The following VAV3 variants were observed in gnomAD, a reference collection of about 807,000 sequenced individuals.
The protein encoded by VAV3 is guanine nucleotide exchange factor VAV3.
In VAV3, 94 loss-of-function variants were observed where a neutral mutation model predicts 131.2. The observed-to-expected ratio is 0.72, with a 90% confidence interval of 0.61 to 0.85. The LOEUF is 0.85. VAV3 is among the 40% of genes least tolerant of loss of function. VAV3 has a pLI of 0.00. For missense variants in VAV3, 939 were observed against 1,002.7 expected (o/e 0.94, Z 0.86); for synonymous variants, 349 against 342.0 (o/e 1.02, Z -0.22).
intron 12 of VAV3, among the ~76,000 whole-genome samples, chr1:107,753,549 T>TATATGTATATATATACACAC (rs771773884): frequency 2.4e-5 from 2 of 82,052 alleles, no homozygotes; most frequent in Non-Finnish European, 5.1e-5. Flanking sequence ...TATATATATA[T>TATATGTATATATATACACAC]ACACACACAC....
chr1:107,712,384 T>C (rs1029862969), intron 15 of VAV3, among the ~76,000 whole-genome samples: 64 of 152,220 alleles, frequency 4.2e-4, no homozygotes, highest in African/African-American at 1.5e-3. Context: ...ATCGTTATTG[T>C]TAGTGTATTT....
Position 107,607,396 on chromosome 1 carries a change from T to C in VAV3, c.2015+2535A>G, listed in dbSNP as rs1246023468. Among the ~76,000 whole-genome samples the C allele has an allele frequency of 2.6e-5, 4 of 152,152 alleles. No homozygotes were observed. In the East Asian group the frequency reaches 5.8e-4, roughly 22 times the overall value. On this transcript the variant is annotated intron_variant, in intron 22 of 26. Transcript: ENST00000370056. ...ATACCAAGACAGGGTAGTATGTGTA[T>C]ATGGGACCCAGCTGTCACAGTGCTG...
intron 15 of VAV3, among the ~76,000 whole-genome samples, chr1:107,723,130 T>C (rs552109375): frequency 6.6e-6 from 1 of 152,318 alleles, no homozygotes; most frequent in East Asian, 1.9e-4. Context: ...TTGTATTTTG[T>C]ATCCTCATAA....
intron 15 of VAV3, among the ~76,000 whole-genome samples, chr1:107,745,048 C>T (rs1324055798): frequency 2.0e-5 from 3 of 152,132 alleles, no homozygotes; most frequent in Non-Finnish European, 4.4e-5. Context: ...ATATCCATAG[C>T]TTCTTAACAA....
Position 107,652,607 on chromosome 1 carries a change from C to T in VAV3, c.1778-9852G>A, listed in dbSNP as rs116153685. 3.7e-3 allele frequency among the ~76,000 whole-genome samples: 561 copies of T among 152,112 alleles called. 1 individual carries two copies. The highest frequency in any genetic ancestry group is 4.7e-3 in the Non-Finnish European group (323 of 68,006). On this transcript the variant is annotated intron_variant, in intron 19 of 26. Coordinates refer to ENST00000370056, the MANE Select transcript of VAV3 (RefSeq NM_006113.5). ...TAGTTATCTGTTTACTTGTTAGTAT[C>T]TATCTCCTCTTGTTTTCATATATAT...
intron 1 of VAV3, among the ~76,000 whole-genome samples, chr1:107,930,753 C>T (rs939648605): frequency 5.3e-5 from 8 of 152,092 alleles, no homozygotes; most frequent in African/African-American, 1.7e-4. Context: ...CTGTCACCAC[C>T]TAAACCCACC....
At chr1:107,715,643 T>G (rs10494073) in intron 15 of VAV3, among the ~76,000 whole-genome samples, 12,913 of 152,262 alleles carry the variant, frequency 0.085, 705 homozygotes, top group Admixed American at 0.17. Flanking sequence ...ACTATCTTGC[T>G]TTACTTCAAT....
At chr1:107,742,018 A>G (rs778128640) in intron 15 of VAV3, among the ~76,000 whole-genome samples, 1 of 152,226 alleles carries the variant, frequency 6.6e-6, no homozygotes, top group Non-Finnish European at 1.5e-5. Context: ...CTGCAATTAC[A>G]TAGTTGAAGG....
rs554408564 is a variant in VAV3 at position 107,818,573 on chromosome 1, G to A, written c.322-39081C>T. Among the ~76,000 whole-genome samples, 8 of 152,052 alleles carry A rather than the reference G, an allele frequency of 5.3e-5. No homozygotes were observed. The East Asian group carries it at 1.5e-3, about 29-fold the overall frequency. On this transcript the variant is annotated intron_variant, in intron 2 of 26. Coordinates refer to ENST00000370056, the MANE Select transcript of VAV3 (RefSeq NM_006113.5). Reference sequence around the variant, plus strand: ...TTAGAACAGTTAAAATAAACTAAAGGTATACATACCCCCAGGGATTCATCT... The same window carrying A: ...TTAGAACAGTTAAAATAAACTAAAGATATACATACCCCCAGGGATTCATCT...
chr1:107,622,702 C>T (rs1430925339), intron 20 of VAV3, among the ~76,000 whole-genome samples: 1 of 152,198 alleles, frequency 6.6e-6, no homozygotes, highest in East Asian at 1.9e-4. Flanking sequence ...CACGATGGTG[C>T]TGTGGAGATT....
intron 5 of VAV3, among the ~76,000 whole-genome samples, chr1:107,771,119 T>C (rs983844439): frequency 3.3e-5 from 5 of 152,136 alleles, no homozygotes; most frequent in Non-Finnish European, 5.9e-5. Flanking sequence ...CCTTCAAATA[T>C]TTTTTCCAAC....
At chr1:107,586,145 T>G (rs1315994557) in intron 25 of VAV3, among the ~76,000 whole-genome samples, 3 of 151,834 alleles carry the variant, frequency 2.0e-5, no homozygotes, top group South Asian at 2.1e-4. Flanking sequence ...CATAGTTTTT[T>G]TTTTTTTTTT....
At chr1:107,580,574 T>G (rs746977062) in intron 25 of VAV3, among the ~76,000 whole-genome samples, 1 of 152,162 alleles carries the variant, frequency 6.6e-6, no homozygotes, top group Admixed American at 6.5e-5. Context: ...TTTTAAGGAT[T>G]GGTAGGGATG....
rs35313815 is a variant in VAV3, at chr1:107,755,464, C to T, written c.1136G>A (p.Arg379His). 279 of 1,613,498 alleles carry T rather than the reference C, an allele frequency of 1.7e-4. 2 individuals carry two copies. Among genetic ancestry groups the T allele is most frequent in the African/African-American group, 2.9e-4 (22 of 74,890 alleles). The change falls in exon 12 of 27, where the codon CGT (arginine) becomes CAT (histidine). Residue 379 changes from arginine to histidine, a missense_variant. Coordinates refer to ENST00000370056, the MANE Select transcript of VAV3 (RefSeq NM_006113.5). ...AGATAGCTGAAACTGTTTAATTTCA[C>T]GAAGGGTCTCATTATCTCTTTTCAC... Reference protein sequence around the residue: ...NEVKRDNETLREIKQFQLSIE... With the variant: ...NEVKRDNETLHEIKQFQLSIE...
At chr1:107,755,194 G>C (rs1164916196) in intron 12 of VAV3, among the ~76,000 whole-genome samples, 2 of 152,122 alleles carry the variant, frequency 1.3e-5, no homozygotes, top group East Asian at 3.9e-4. Context: ...AGACTGCTGG[G>C]AGAAGAGGCA....
intron 20 of VAV3, among the ~76,000 whole-genome samples, chr1:107,630,406 T>A (rs1275836696): frequency 6.8e-6 from 1 of 146,780 alleles, no homozygotes; most frequent in Non-Finnish European, 1.5e-5. Flanking sequence ...ATGGGCACTG[T>A]GCTAGAACTC....
chr1:107,875,474 C>T lies in VAV3; in HGVS notation c.205-457G>A, dbSNP rs189671410. On this transcript the variant is annotated intron_variant, in intron 1 of 26. Coordinates refer to ENST00000370056, the MANE Select transcript of VAV3 (RefSeq NM_006113.5). Reference sequence around the variant, plus strand: ...GCAAAAGGAGCAAGCCATGGAGAACCGTAGCACACAACAGCCCAGACTAAA... The same window carrying T: ...GCAAAAGGAGCAAGCCATGGAGAACTGTAGCACACAACAGCCCAGACTAAA... Among the ~76,000 whole-genome samples, 9 of 152,152 alleles carry T rather than the reference C, an allele frequency of 5.9e-5. No homozygotes were observed. The South Asian group carries it at 1.7e-3, about 28-fold the overall frequency.
At chr1:107,622,458 T>C (rs922871607) in intron 20 of VAV3, among the ~76,000 whole-genome samples, 3 of 152,206 alleles carry the variant, frequency 2.0e-5, no homozygotes, top group Admixed American at 2.0e-4. Context: ...GCTTGGCTCC[T>C]AACTCTGTAA....
At chr1:107,637,307 G>A (rs1365675873) in intron 20 of VAV3, among the ~76,000 whole-genome samples, 2 of 152,084 alleles carry the variant, frequency 1.3e-5, no homozygotes, top group Non-Finnish European at 2.9e-5. Context: ...ATAGCCATAT[G>A]TTTGTTTTAT....
Sources: gnomAD v4.1 joint callset for allele counts (sites outside exome capture counted in the v4.1 genomes callset) on GRCh38, gnomAD v4.1.1 for gene constraint, MANE v1.5 for transcripts, NCBI Gene and HGNC (gene_info 2026-07-23, HGNC 2026-07-21) for gene names.